Variants in PCDHA2 observed in about 807,000 individuals in gnomAD.
PCDHA2 encodes the protein protocadherin alpha-2.
PCDHA2 carries 58 observed loss-of-function variants against 66.0 expected under a neutral mutation model. That is an observed-to-expected ratio of 0.88 (90% CI 0.71 to 1.09). The LOEUF (loss-of-function observed/expected upper bound fraction) is 1.09. Ranked by LOEUF, PCDHA2 falls within the 50% of genes least tolerant of loss-of-function variation. The pLI is 0.00. For synonymous variants in PCDHA2, 634 were observed against 554.0 expected (o/e 1.14, Z -2.03); for missense variants, 1,267 against 1,242.3 (o/e 1.02, Z -0.30).
intron 1 of PCDHA2, chr5:140,824,004 G>C: frequency 6.2e-7 from 1 of 1,614,112 alleles, no homozygotes; most frequent in African/African-American, 1.3e-5. Context: ...GCTCCAGCGC[G>C]GTGGGGAGCT....
intron 1 of PCDHA2, chr5:140,928,442 A>G (rs781976941): frequency 1.2e-6 from 2 of 1,614,166 alleles, no homozygotes; most frequent in South Asian, 1.1e-5. Flanking sequence ...GACTTTGAGC[A>G]GCTCAGGGGG....
At chr5:140,835,603 T>G (rs2150239266) in intron 1 of PCDHA2, 10 of 1,613,804 alleles carry the variant, frequency 6.2e-6, no homozygotes, top group Non-Finnish European at 1.7e-6. Context: ...TACTATTCAT[T>G]GGTGCTGGAC....
chr5:140,835,133 A>G, intron 1 of PCDHA2: 2 of 1,375,436 alleles, frequency 1.5e-6, no homozygotes, highest in Non-Finnish European at 2.0e-6. Flanking sequence ...ATACGGTGAA[A>G]TTACCAGAAA....
intron 1 of PCDHA2, among the ~76,000 whole-genome samples, chr5:140,924,892 C>A: frequency 1.2e-5 from 1 of 82,680 alleles, no homozygotes; most frequent in Admixed American, 1.2e-4. Context: ...AAGAACCTGT[C>A]TCAAAAAAAA....
At chr5:140,941,210 T>C (rs199663607) in intron 1 of PCDHA2, among the ~76,000 whole-genome samples, 3,757 of 100,378 alleles carry the variant, frequency 0.037, 93 homozygotes, top group African/African-American at 0.096. Context: ...TTCCTTTCTT[T>C]CTTCCTTTCT....
At chr5:140,853,884 T>G in intron 1 of PCDHA2, 1 of 980,606 alleles carries the variant, frequency 1.0e-6, no homozygotes, top group South Asian at 4.8e-5. Flanking sequence ...TTTCTGTAAT[T>G]TAAAAAGATG....
At chr5:140,817,409 G>A (rs1437672587) in intron 1 of PCDHA2, 1 of 152,240 alleles carries the variant, frequency 6.6e-6, no homozygotes, top group Admixed American at 6.5e-5. Flanking sequence ...TATTGTTGTT[G>A]AGTTGGTATA....
At chr5:140,800,239 C>T (rs1762529008) in intron 1 of PCDHA2, among the ~76,000 whole-genome samples, 1 of 152,056 alleles carries the variant, frequency 6.6e-6, no homozygotes, top group Non-Finnish European at 1.5e-5. Context: ...ATACAAATCA[C>T]ATTCCCACAA....
At chr5:140,849,675 C>A (rs2150444772) in intron 1 of PCDHA2, 1 of 1,598,600 alleles carries the variant, frequency 6.3e-7, no homozygotes. Context: ...GCCCCACGTC[C>A]CCTTCAAGCT....
rs1236174883 is a variant in PCDHA2 at position 140,948,633 on chromosome 5, C to T, written c.2389-30316C>T. Among the ~76,000 whole-genome samples the T allele has an allele frequency of 2.6e-5, 4 of 151,768 alleles. No individual in the cohort carries two copies. The East Asian group carries it at 7.7e-4, about 29-fold the overall frequency. ...GGCACAAAGTTGTTAATAATATTCTCTCATCTTTTAACGTCTGTATAATCT... is the reference window on the plus strand; with the variant it reads ...GGCACAAAGTTGTTAATAATATTCTTTCATCTTTTAACGTCTGTATAATCT... On this transcript the variant is annotated intron_variant, in intron 1 of 3. Transcript: ENST00000526136.
chr5:140,823,251 G>A (rs2150123936), intron 1 of PCDHA2: 34 of 1,613,318 alleles, frequency 2.1e-5, no homozygotes, highest in Non-Finnish European at 2.5e-5. Flanking sequence ...TGTCCTACTC[G>A]CTGGTGGAGC....
chr5:140,877,835 G>A, intron 1 of PCDHA2: 11 of 1,586,326 alleles, frequency 6.9e-6, no homozygotes, highest in Non-Finnish European at 9.4e-6. Context: ...AATCCTCCCA[G>A]TGAAGTAAGT....
chr5:140,947,038 A>G (rs2094072618), intron 1 of PCDHA2, among the ~76,000 whole-genome samples: 1 of 151,776 alleles, frequency 6.6e-6, no homozygotes, highest in Admixed American at 6.6e-5. Context: ...TATACTAATT[A>G]CCCTGATTTG....
intron 1 of PCDHA2, among the ~76,000 whole-genome samples, chr5:140,935,656 CTTTTA>C (rs1300447387): frequency 6.6e-6 from 1 of 151,868 alleles, no homozygotes; most frequent in African/African-American, 2.4e-5. Context: ...TTTTAATTTT[CTTTTA>C]TAATTATGTG....
chr5:140,829,832 G>T, intron 1 of PCDHA2: 1 of 1,613,932 alleles, frequency 6.2e-7, no homozygotes, highest in Non-Finnish European at 8.5e-7. Context: ...GAGCGAGCTG[G>T]TGCCGCGGTC....
intron 1 of PCDHA2, chr5:140,801,152 C>T (rs3806845): frequency 0.54 from 825,541 of 1,530,972 alleles, 224,527 homozygotes; most frequent in African/African-American, 0.73. Flanking sequence ...TATTTTTAAA[C>T]TTTGGATCAA....
intron 1 of PCDHA2, among the ~76,000 whole-genome samples, chr5:140,903,821 A>G (rs2153482193): frequency 6.6e-6 from 1 of 152,320 alleles, no homozygotes. Context: ...TCTCACATGA[A>G]TGTCTGTTGG....
At chr5:140,885,664 A>G (rs2060680895) in intron 1 of PCDHA2, among the ~76,000 whole-genome samples, 1 of 152,174 alleles carries the variant, frequency 6.6e-6, no homozygotes, top group Non-Finnish European at 1.5e-5. Context: ...ACCAGTTATG[A>G]GCACTCTTTC....
Position 140,850,965 on chromosome 5 carries a change from G to C in PCDHA2, c.2388+53613G>C, listed in dbSNP as rs200912451. 36 of 1,464,074 alleles carry C rather than the reference G, an allele frequency of 2.5e-5. 1 individual carries two copies. In the Middle Eastern group the frequency reaches 5.9e-4, roughly 24 times the overall value. 90.7% of individuals were successfully genotyped at this position (1,464,074 alleles called of 1,614,324 possible). A position where few individuals can be genotyped will look rare whatever the true frequency, so the allele number is the denominator to read the frequency against. On this transcript the variant is annotated intron_variant, in intron 1 of 3. Transcript: ENST00000526136. Reference sequence around the variant, plus strand: ...ATATTATCGATTACTCCCAGGGGCCGTTCAAATAGTTTTATTCATTTTTCT... The same window carrying C: ...ATATTATCGATTACTCCCAGGGGCCCTTCAAATAGTTTTATTCATTTTTCT...
Sources: allele counts gnomAD v4.1 joint callset (sites outside exome capture counted in the v4.1 genomes callset), GRCh38; gene constraint gnomAD v4.1.1; transcripts MANE v1.5; gene names NCBI Gene and HGNC (gene_info 2026-07-23, HGNC 2026-07-21).